ADAMTSL5: variants seen among roughly 807,000 people sequenced by gnomAD.
The protein encoded by ADAMTSL5 is ADAMTS-like protein 5.
Under a neutral mutation model 51.7 loss-of-function variants are expected in ADAMTSL5, and 53 were observed. That is an observed-to-expected ratio of 1.03 (90% CI 0.82 to 1.29). The LOEUF (loss-of-function observed/expected upper bound fraction) is 1.29. Among genes scored for constraint, ADAMTSL5 ranks in the 50% most tolerant of loss-of-function variants. ADAMTSL5 has a pLI of 0.00. For missense variants in ADAMTSL5, 770 were observed against 676.2 expected (o/e 1.14, Z -1.54); for synonymous variants, 285 against 278.7 (o/e 1.02, Z -0.23).
chr19:1,512,654 T>C (rs545211921), intron 1 of ADAMTSL5, among the ~76,000 whole-genome samples: 8 of 151,972 alleles, frequency 5.3e-5, no homozygotes, highest in African/African-American at 1.7e-4. Flanking sequence ...CACTCCAGCC[T>C]GGGCGACATA....
In ADAMTSL5 at chr19:1,508,028, G is replaced by A; in HGVS notation, c.571C>T (p.Leu191Phe). The A allele has an allele frequency of 6.2e-7, 1 of 1,607,116 alleles. No homozygotes were observed. Among genetic ancestry groups the A allele is most frequent in the African/African-American group, 1.3e-5 (1 of 74,924 alleles). ...GRCGGANDSC[L>F]FVQRVFRDAG... ...TCACGAAACACGCGCTGCACGAAAA[G>A]GCACGAGTCGTTGGCGCCTCCGCAG... The change falls in exon 7 of 12, where the codon CTT (leucine) becomes TTT (phenylalanine). Residue 191 changes from leucine (L) to phenylalanine (F), a missense_variant. Physicochemically the swap from Leu to Phe is conservative, Grantham distance 22. Coordinates refer to ENST00000330475, the MANE Select transcript of ADAMTSL5 (RefSeq NM_213604.3).
rs1255474123 is a variant in ADAMTSL5 at position 1,510,268 on chromosome 19, GAGAT to G, written c.253-14_253-11del. Reference sequence around the variant, plus strand: ...CCCCTGGGGGGCAGTCCTAGGGACAGAGATAGGTGAGCCAGAGGCTGGGACAACC... The same window carrying G: ...CCCCTGGGGGGCAGTCCTAGGGACAGAGGTGAGCCAGAGGCTGGGACAACC... On this transcript the variant is annotated splice_polypyrimidine_tract_variant and intron_variant, in intron 4 of 11. Coordinates refer to ENST00000330475, the MANE Select transcript of ADAMTSL5 (RefSeq NM_213604.3). The G allele has an allele frequency of 3.1e-6, 5 of 1,613,128 alleles. No individual in the cohort carries two copies. The Admixed American group carries it at 8.3e-5, about 27-fold the overall frequency.
At chr19:1,507,819 G>T (rs1913028502) in intron 7 of ADAMTSL5, among the ~76,000 whole-genome samples, 176 bp from the exon 8 acceptor site, 1 of 152,022 alleles carries the variant, frequency 6.6e-6, no homozygotes, top group East Asian at 1.9e-4. Context: ...CAGGGAAAGG[G>T]TTAAAACCCC....
At chr19:1,508,335 T>C (rs1913071495) in intron 6 of ADAMTSL5, 108 bp downstream of exon 6, 1 of 1,195,122 alleles carries the variant, frequency 8.4e-7, no homozygotes, top group African/African-American at 2.2e-5. Context: ...CGGTGGAGCC[T>C]AGGGAGGGGG....
chr19:1,508,953 C>T (rs1913110402), intron 5 of ADAMTSL5: 1 of 161,192 alleles, frequency 6.2e-6, no homozygotes, highest in Non-Finnish European at 1.3e-5. Flanking sequence ...AGATGGATGG[C>T]CTTAAAAAAG....
chr19:1,507,316 C>T lies in ADAMTSL5; in HGVS notation c.778G>A (p.Val260Ile), dbSNP rs751654858. The stretch of plus-strand genomic sequence containing the variant: ...TGGGGCCCTGTGTCTCGGGTGTAGA[C>T]CACATGCGTGCCGGCCGCCTCGTAG... ...GTYEAAGTHV[V>I]YTRDTGPQET... is the part of the protein sequence containing the mutation. The change falls in exon 9 of 12, where the codon GTC becomes ATC. Residue 260 changes from valine to isoleucine, a missense_variant. Coordinates refer to ENST00000330475, the MANE Select transcript of ADAMTSL5 (RefSeq NM_213604.3). 3 of 1,595,998 alleles carry T rather than the reference C, an allele frequency of 1.9e-6. No individual in the cohort carries two copies. Among genetic ancestry groups the T allele is most frequent in the South Asian group, 1.1e-5 (1 of 88,734 alleles).
At chr19:1,511,459 C>A (rs1419680352) in intron 1 of ADAMTSL5, among the ~76,000 whole-genome samples, 1 of 152,250 alleles carries the variant, frequency 6.6e-6, no homozygotes, top group African/African-American at 2.4e-5. Context: ...AGGCATGAGC[C>A]ACTGCACCCA....
In ADAMTSL5 at chr19:1,506,938, G is replaced by A. The variant is rs1178087067; in HGVS notation, c.853-10C>T. 6.5e-7 allele frequency: 1 copy of A among 1,542,712 alleles called. No homozygotes were observed. The highest frequency in any genetic ancestry group is 2.1e-5 in the Admixed American group (1 of 48,304). ...GCTCCTGCAGGAGGACCTGGAGCAGGGGAGGGGACACAGGGAGCTTCACAG... is the reference window on the plus strand; with the variant it reads ...GCTCCTGCAGGAGGACCTGGAGCAGAGGAGGGGACACAGGGAGCTTCACAG... On this transcript the variant is annotated splice_polypyrimidine_tract_variant and intron_variant, in intron 9 of 11. Transcript: ENST00000330475. The surrounding 1 kb of genome is among the most constrained non-coding windows in gnomAD (Gnocchi z 5.6).
rs1261609769 is a variant in ADAMTSL5 at position 1,506,526 on chromosome 19, G to A, written c.1114+64C>T. 6.4e-7 allele frequency: 1 copy of A among 1,558,662 alleles called. No homozygotes were observed. The highest frequency in any genetic ancestry group is 8.8e-7 in the Non-Finnish European group (1 of 1,142,138). On this transcript the variant is annotated intron_variant, in intron 11 of 11. Coordinates refer to ENST00000330475, the MANE Select transcript of ADAMTSL5 (RefSeq NM_213604.3). The surrounding 1 kb of genome is among the most constrained non-coding windows in gnomAD (Gnocchi z 5.6). ...GGGTCAAGGGTAAAGTCAGATTAGG[G>A]TCAGAGGTCAGGAGGAGGCCAGGTT...
Position 1,506,752 on chromosome 19 carries a change from T to TG in ADAMTSL5, c.1028dup (p.Thr344AsnfsTer12). On this transcript the variant is annotated frameshift_variant, in exon 10 of 12. Transcript: ENST00000330475. LOFTEE classifies it high-confidence loss of function. The surrounding 1 kb of genome is among the most constrained non-coding windows in gnomAD (Gnocchi z 5.6). The stretch of plus-strand genomic sequence containing the variant: ...TCCCCACCTCACCTGGGGCCAGCGT[T>TG]GGGGTCTGTGCAGGGGTGACAGCAG... 6.4e-7 allele frequency: 1 copy of TG among 1,555,542 alleles called. No homozygotes were observed. The highest frequency in any genetic ancestry group is 8.7e-7 in the Non-Finnish European group (1 of 1,149,606).
rs755013761 is a variant in ADAMTSL5 at position 1,505,997 on chromosome 19, C to T, written c.*18G>A. Reference sequence around the variant, plus strand: ...ATGTATCTTTCTTGCTGTGTGTGGCCGGGGCTCCTGCAGGGGCTCAGCCAG... The same window carrying T: ...ATGTATCTTTCTTGCTGTGTGTGGCTGGGGCTCCTGCAGGGGCTCAGCCAG... On this transcript the variant is annotated 3_prime_UTR_variant, in exon 12 of 12. Coordinates refer to ENST00000330475, the MANE Select transcript of ADAMTSL5 (RefSeq NM_213604.3). 37 of 1,524,350 alleles carry T rather than the reference C, an allele frequency of 2.4e-5. No individual in the cohort carries two copies. The highest frequency in any genetic ancestry group is 5.5e-5 in the African/African-American group (4 of 72,960). 94.4% of individuals were successfully genotyped at this position (1,524,350 alleles called of 1,614,324 possible). A position where few individuals can be genotyped will look rare whatever the true frequency, so the allele number is the denominator to read the frequency against.
chr19:1,505,860 T>A lies in ADAMTSL5; in HGVS notation c.*155A>T, dbSNP rs569917002. 10 of 930,018 alleles carry A rather than the reference T, an allele frequency of 1.1e-5. No homozygotes were observed. The highest frequency in any genetic ancestry group is 1.4e-5 in the Non-Finnish European group (9 of 659,980). The allele number at this position is 930,018 out of a possible 1,614,324, so 57.6% of individuals were successfully genotyped here. A position where few individuals can be genotyped will look rare whatever the true frequency, so the allele number is the denominator to read the frequency against. Reference sequence around the variant, plus strand: ...CAGTGGCTTTGACTGCATGCAGAGGTGTCTTAAGCGTGTGTGGGAGGGAGT... The same window carrying A: ...CAGTGGCTTTGACTGCATGCAGAGGAGTCTTAAGCGTGTGTGGGAGGGAGT... On this transcript the variant is annotated 3_prime_UTR_variant, in exon 12 of 12. Coordinates refer to ENST00000330475, the MANE Select transcript of ADAMTSL5 (RefSeq NM_213604.3).
chr19:1,509,254 CAAAAAA>C (rs753778097), intron 5 of ADAMTSL5, among the ~76,000 whole-genome samples: 7 of 49,550 alleles, frequency 1.4e-4, no homozygotes, highest in East Asian at 8.1e-4. Flanking sequence ...GACTCCATCT[CAAAAAA>C]AAAAAAAAAA....
At position 1,506,215 on chromosome 19, in the gene ADAMTSL5, G is replaced by C. The variant is rs141903537; in HGVS notation, c.1216C>G (p.Arg406Gly). 606 of 1,603,876 alleles carry C rather than the reference G, an allele frequency of 3.8e-4. No individual in the cohort carries two copies. The highest frequency in any genetic ancestry group is 5.0e-4 in the Non-Finnish European group (584 of 1,174,090). ...VYKNRSPLRA[R>G]EYVWAPGHCP... ...TGGCCTGGCGCCCACACGTACTCGCGTGCCCGCAGTGGCGAGCGGTTCTTG... is the reference window on the plus strand; with the variant it reads ...TGGCCTGGCGCCCACACGTACTCGCCTGCCCGCAGTGGCGAGCGGTTCTTG... The change falls in exon 12 of 12, where the codon CGC (arginine) becomes GGC (glycine). Residue 406 changes from arginine (R) to glycine (G), a missense_variant. By Grantham distance (125) the Arg-to-Gly change is moderately radical. Transcript: ENST00000330475. This position sits in a 1 kb window ranked among gnomAD's most constrained non-coding sequence, Gnocchi z 5.6.
At position 1,507,656 on chromosome 19, in the gene ADAMTSL5, G is replaced by GT; in HGVS notation, c.602-14dup. ...CCAGCGAAGGCACCTGGGTGGGAGG[G>GT]TAGGAGGGTGTTGGGGTGCCAGTGG... On this transcript the variant is annotated splice_polypyrimidine_tract_variant and intron_variant, in intron 7 of 11. Coordinates refer to ENST00000330475, the MANE Select transcript of ADAMTSL5 (RefSeq NM_213604.3). The GT allele has an allele frequency of 1.2e-6, 2 of 1,612,366 alleles. No individual in the cohort carries two copies. Among genetic ancestry groups the GT allele is most frequent in the Non-Finnish European group, 1.7e-6 (2 of 1,179,020 alleles).
chr19:1,507,405 G>T lies in ADAMTSL5; in HGVS notation c.689C>A (p.Ala230Glu). ...GTAGCGCCCATCGCCCCCCATCAGT[G>T]CTGCAAGGGAACAGTCAGCCCTCAG... ...RVEHRSRNHL[A>E]LMGGDGRYVL... is the part of the protein sequence containing the mutation. The change falls in exon 9 of 12, where the codon GCA (alanine) becomes GAA (glutamate). Residue 230 changes from alanine to glutamate, a missense_variant and splice_region_variant. Transcript: ENST00000330475. The T allele has an allele frequency of 6.3e-7, 1 of 1,579,692 alleles. No individual in the cohort carries two copies. Among genetic ancestry groups the T allele is most frequent in the Non-Finnish European group, 8.6e-7 (1 of 1,161,672 alleles).
chr19:1,509,834 A>C (rs2145509142), intron 5 of ADAMTSL5, among the ~76,000 whole-genome samples: 1 of 152,208 alleles, frequency 6.6e-6, no homozygotes, highest in Non-Finnish European at 1.5e-5. Context: ...GCACGTAGTT[A>C]TATAACTCGC....
intron 3 of ADAMTSL5, 34 bp from the exon 4 acceptor site, chr19:1,510,462 G>A: frequency 6.3e-7 from 1 of 1,580,904 alleles, no homozygotes; most frequent in Non-Finnish European, 8.6e-7. Context: ...AGAACCCCCA[G>A]GGACCCCCTC....
Position 1,506,658 on chromosome 19 carries a change from G to A in ADAMTSL5, c.1046C>T (p.Pro349Leu), listed in dbSNP as rs1444924010. 12 of 1,606,170 alleles carry A rather than the reference G, an allele frequency of 7.5e-6. No individual in the cohort carries two copies. Reference protein sequence around the residue: ...PAQTPTLAPDPCPPCPDTRGR... With the variant: ...PAQTPTLAPDLCPPCPDTRGR... Reference sequence around the variant, plus strand: ...GCGGGTGTCAGGGCAGGGTGGGCAGGGGTCTGTGGGATGGGCGGTGCTGTG... The same window carrying A: ...GCGGGTGTCAGGGCAGGGTGGGCAGAGGTCTGTGGGATGGGCGGTGCTGTG... Residue 349 changes from proline to leucine, a missense_variant, in exon 11 of 12, where the codon CCC becomes CTC. Coordinates refer to ENST00000330475, the MANE Select transcript of ADAMTSL5 (RefSeq NM_213604.3). This position sits in a 1 kb window ranked among gnomAD's most constrained non-coding sequence, Gnocchi z 5.6.
Sources: allele counts gnomAD v4.1 joint callset (sites outside exome capture counted in the v4.1 genomes callset), GRCh38; gene constraint gnomAD v4.1.1; non-coding constraint Gnocchi (gnomAD v3.1); transcripts MANE v1.5; gene names NCBI Gene and HGNC (gene_info 2026-07-23, HGNC 2026-07-21).